ABR: variants seen among roughly 807,000 people sequenced by gnomAD.
ABR encodes the protein ABR activator of RhoGEF and GTPase.
ABR carries 35 observed loss-of-function variants against 107.2 expected under a neutral mutation model. The observed-to-expected ratio is 0.33, with a 90% CI of 0.25 to 0.43. The LOEUF is 0.43. Ranked by LOEUF, ABR falls within the 20% of genes least tolerant of loss-of-function variation. ABR has a pLI of 1.00. For synonymous variants in ABR, 498 were observed against 462.0 expected (o/e 1.08, Z -1.00); for missense variants, 815 against 1,115.2 (o/e 0.73, Z 3.83).
At chr17:1,204,721 G>T (rs368753219) in intron 1 of ABR, among the ~76,000 whole-genome samples, 1 of 151,858 alleles carries the variant, frequency 6.6e-6, no homozygotes, top group South Asian at 2.1e-4. Context: ...TCACATAGTG[G>T]GCTATACCAT....
At chr17:1,029,061 AG>A (rs756271564) in intron 16 of ABR, among the ~76,000 whole-genome samples, 3 of 149,520 alleles carry the variant, frequency 2.0e-5, no homozygotes, top group Non-Finnish European at 3.0e-5. Context: ...TGGGAGGGAG[AG>A]GAAGGCACCG....
intron 1 of ABR, among the ~76,000 whole-genome samples, chr17:1,177,387 C>T (rs1377962708): frequency 6.6e-6 from 1 of 152,154 alleles, no homozygotes; most frequent in Non-Finnish European, 1.5e-5. Flanking sequence ...ACCATCCAGG[C>T]CACCCCAGGA....
rs148895896 is a variant in ABR at position 1,026,167 on chromosome 17, T to C, written c.1792-13003A>G. ...AGATCATCCTGTTCAGCTCCTTCAT[T>C]GAGCTGATACCAGAGAACCAGAGAG... is the stretch of plus-strand genomic sequence containing the variant. On this transcript the variant is annotated intron_variant, in intron 16 of 22. Transcript: ENST00000302538. 1.1e-3 allele frequency among the ~76,000 whole-genome samples: 173 copies of C among 152,294 alleles called. 3 individuals carry two copies. Among genetic ancestry groups the C allele is most frequent in the African/African-American group, 4.0e-3 (166 of 41,558 alleles).
chr17:1,061,914 G>C (rs1389190001), intron 10 of ABR, among the ~76,000 whole-genome samples: 2 of 152,154 alleles, frequency 1.3e-5, no homozygotes, highest in African/African-American at 4.8e-5. Flanking sequence ...GCTGTCCCTG[G>C]AGTTCAAATT....
At chr17:1,195,554 C>T (rs2042542704) in intron 1 of ABR, among the ~76,000 whole-genome samples, 1 of 151,910 alleles carries the variant, frequency 6.6e-6, no homozygotes, top group South Asian at 2.1e-4. Flanking sequence ...CCTGTCATCC[C>T]AGCACTGTGG....
chr17:1,153,080 A>ATTT (rs200020052), intron 1 of ABR, among the ~76,000 whole-genome samples: 8 of 152,112 alleles, frequency 5.3e-5, no homozygotes, highest in African/African-American at 1.7e-4. Flanking sequence ...TAAAAAAAAA[A>ATTT]TTTTTGACAC....
intron 1 of ABR, among the ~76,000 whole-genome samples, chr17:1,134,256 T>C (rs1395280241): frequency 2.0e-5 from 3 of 151,794 alleles, no homozygotes; most frequent in Admixed American, 1.3e-4. Flanking sequence ...GTACTAAAAA[T>C]ACAAAAATTA....
intron 1 of ABR, among the ~76,000 whole-genome samples, chr17:1,203,385 A>G (rs1291880412): frequency 2.3e-4 from 3 of 13,116 alleles, no homozygotes; most frequent in African/African-American, 6.6e-4. Flanking sequence ...CGGGGCCTTG[A>G]GGGGGCGGGG....
chr17:1,031,836 T>TTCCCCTCCCTCCCTCCC, intron 16 of ABR: 1 of 1,052,012 alleles, frequency 9.5e-7, no homozygotes, highest in East Asian at 5.2e-5. Flanking sequence ...CCCGCCGGCT[T>TTCCCCTCCCTCCCTCCC]TCCCCGCGCT....
intron 2 of ABR, among the ~76,000 whole-genome samples, chr17:1,123,733 G>A: frequency 6.6e-6 from 1 of 152,138 alleles, no homozygotes; most frequent in South Asian, 2.1e-4. Flanking sequence ...GAGAGCTGAA[G>A]GCAGAGATGG....
chr17:1,005,984 G>T lies in ABR; in HGVS notation c.*96C>A. ...GCTTCCCTCGAGTCTGGAGTGCTGG[G>T]TTTGGGAGTTTTCTATTGCAGTCTT... On this transcript the variant is annotated 3_prime_UTR_variant, in exon 23 of 23. Coordinates refer to ENST00000302538, the MANE Select transcript of ABR (RefSeq NM_021962.5). 3 of 1,165,692 alleles carry T rather than the reference G, an allele frequency of 2.6e-6. No individual in the cohort carries two copies. Among genetic ancestry groups the T allele is most frequent in the Non-Finnish European group, 3.8e-6 (3 of 799,362 alleles). 72.2% of individuals were successfully genotyped at this position (1,165,692 alleles called of 1,614,324 possible).
chr17:1,203,133 G>A (rs2042702545), intron 1 of ABR, among the ~76,000 whole-genome samples: 1 of 152,092 alleles, frequency 6.6e-6, no homozygotes, highest in Admixed American at 6.5e-5. Flanking sequence ...TGATCCGCCC[G>A]CCTCGGCCTC....
In ABR at chr17:1,200,266, G is replaced by A. The variant is rs868291531; in HGVS notation, c.838+28527C>T. On this transcript the variant is annotated intron_variant, in intron 1 of 22. Transcript: ENST00000574139. The surrounding 1 kb of genome is among the most constrained non-coding windows in gnomAD (Gnocchi z 4.1). Reference sequence around the variant, plus strand: ...AGATAAGTTAAAGTACACGGGGGTCGGGGGCAGGCATGGTGACTCACGCCT... The same window carrying A: ...AGATAAGTTAAAGTACACGGGGGTCAGGGGCAGGCATGGTGACTCACGCCT... 9.9e-5 allele frequency among the ~76,000 whole-genome samples: 15 copies of A among 152,192 alleles called. No homozygotes were observed. The highest frequency in any genetic ancestry group is 3.6e-4 in the African/African-American group (15 of 41,520).
upstream of ABR, among the ~76,000 whole-genome samples, chr17:1,182,826 G>C (rs1166927513): frequency 6.6e-6 from 1 of 152,298 alleles, no homozygotes; most frequent in African/African-American, 2.4e-5. Context: ...GTCTGTCTCA[G>C]ACAACGTGTC....
chr17:1,162,367 T>A (rs1469196943), intron 1 of ABR, among the ~76,000 whole-genome samples: 2 of 152,236 alleles, frequency 1.3e-5, no homozygotes, highest in Admixed American at 1.3e-4. Context: ...CCTGGTTTCC[T>A]GGCGTGGGCC....
chr17:1,040,379 G>A lies in ABR; in HGVS notation c.1791+9671C>T, dbSNP rs187925848. Among the ~76,000 whole-genome samples, 4 of 152,290 alleles carry A rather than the reference G, an allele frequency of 2.6e-5. No homozygotes were observed. The East Asian group carries it at 5.8e-4, about 22-fold the overall frequency. On this transcript the variant is annotated intron_variant, in intron 16 of 22. Coordinates refer to ENST00000302538, the MANE Select transcript of ABR (RefSeq NM_021962.5). Reference sequence around the variant, plus strand: ...TGAAACCAGAAGCTGCTCCCCAGCCGCTGACAAAGGCCCCTTGTTTCCGAC... The same window carrying A: ...TGAAACCAGAAGCTGCTCCCCAGCCACTGACAAAGGCCCCTTGTTTCCGAC...
chr17:1,173,959 A>C (rs977830902), intron 1 of ABR, among the ~76,000 whole-genome samples: 2 of 152,200 alleles, frequency 1.3e-5, no homozygotes, highest in Admixed American at 1.3e-4. Flanking sequence ...ATATGAATTA[A>C]TCCACACAAC....
chr17:1,110,664 C>G (rs3813437), intron 2 of ABR, among the ~76,000 whole-genome samples: 12,918 of 152,296 alleles, frequency 0.085, 681 homozygotes, highest in East Asian at 0.25. Flanking sequence ...GGGGCTCATG[C>G]AATTCCATTG....
At chr17:1,087,743 C>T (rs1255899044) in intron 4 of ABR, among the ~76,000 whole-genome samples, 2 of 152,116 alleles carry the variant, frequency 1.3e-5, no homozygotes, top group Non-Finnish European at 2.9e-5. Flanking sequence ...CTCCTCTTGC[C>T]CCCTTTCCCA....
Sources: allele counts gnomAD v4.1 joint callset (sites outside exome capture counted in the v4.1 genomes callset), GRCh38; gene constraint gnomAD v4.1.1; non-coding constraint Gnocchi (gnomAD v3.1); transcripts MANE v1.5; gene names NCBI Gene and HGNC (gene_info 2026-07-23, HGNC 2026-07-21).